The following CLMP variants were observed in gnomAD, a reference collection of about 807,000 sequenced individuals.
The protein encoded by CLMP is CXADR like cell adhesion molecule, also known as CXADR-like membrane protein.
In CLMP, 27 loss-of-function variants were observed where a neutral mutation model predicts 45.2. The ratio of observed to expected loss-of-function variants is 0.60; its 90% CI spans 0.44 to 0.82. CLMP has a LOEUF of 0.82. CLMP is among the 40% of genes least tolerant of loss of function. The probability of loss-of-function intolerance (pLI) is 0.00; values close to 1 mark genes in which losing one functional copy is unlikely to be tolerated. For synonymous variants in CLMP, 167 were observed against 171.4 expected (o/e 0.97, Z 0.20); for missense variants, 403 against 448.4 (o/e 0.90, Z 0.91).
rs371035654 is a variant in CLMP, at chr11:123,151,376, G to A, written c.28+43537C>T. 3.3e-5 allele frequency among the ~76,000 whole-genome samples: 5 copies of A among 152,360 alleles called. No individual in the cohort carries two copies. In the East Asian group the frequency reaches 7.7e-4, roughly 23 times the overall value. ...TCTTAGAGAGATGTCTTTCAGGACA[G>A]ATTTACCTGATGGCTCTAAGCCACT... On this transcript the variant is annotated intron_variant, in intron 1 of 6. Transcript: ENST00000448775.
At chr11:123,097,347 T>TTTCTTTC (rs1179652469) in intron 2 of CLMP, among the ~76,000 whole-genome samples, 1 of 151,066 alleles carries the variant, frequency 6.6e-6, no homozygotes, top group Admixed American at 6.6e-5. Flanking sequence ...TCTTTCTTTC[T>TTTCTTTC]TTTTTTTTGA....
chr11:123,123,907 A>G (rs542627349), intron 1 of CLMP, among the ~76,000 whole-genome samples: 1 of 152,330 alleles, frequency 6.6e-6, no homozygotes, highest in Non-Finnish European at 1.5e-5. Flanking sequence ...GAAATGAGAC[A>G]TGAGAGACAA....
intron 5 of CLMP, 116 bp from the exon 6 acceptor site, chr11:123,074,959 GTT>G (rs113357442): frequency 6.5e-4 from 612 of 940,478 alleles, no homozygotes; most frequent in South Asian, 1.5e-3. Flanking sequence ...TGTTTGTTTT[GTT>G]TTTTTTTTTT....
In CLMP at chr11:123,104,390, T is replaced by C. The variant is rs1435714884; in HGVS notation, c.29-6438A>G. Among the ~76,000 whole-genome samples, 4 of 115,998 alleles carry C rather than the reference T, an allele frequency of 3.4e-5. No homozygotes were observed. In the East Asian group the frequency reaches 9.3e-4, roughly 27 times the overall value. 76.1% of individuals were successfully genotyped at this position (115,998 alleles called of 152,430 possible). On this transcript the variant is annotated intron_variant, in intron 1 of 6. Coordinates refer to ENST00000448775, the MANE Select transcript of CLMP (RefSeq NM_024769.5). ...CCACCGCGCCCGGTCCTGGGTTCTA[T>C]TTTTTTTTTCCCCAGACGGAGTCTC... is the stretch of plus-strand genomic sequence containing the variant.
intron 1 of CLMP, among the ~76,000 whole-genome samples, chr11:123,190,306 C>T (rs902759890): frequency 2.0e-5 from 3 of 152,118 alleles, no homozygotes; most frequent in Admixed American, 1.3e-4. Flanking sequence ...TCATCATGTG[C>T]TACCAATTGC....
chr11:123,105,727 G>A (rs557183677), intron 1 of CLMP, among the ~76,000 whole-genome samples: 2 of 151,984 alleles, frequency 1.3e-5, no homozygotes, highest in East Asian at 3.9e-4. Flanking sequence ...ACTGTGCCAA[G>A]CCGTATTTAC....
At chr11:123,162,305 AC>A (rs1476163839) in intron 1 of CLMP, among the ~76,000 whole-genome samples, 2 of 152,196 alleles carry the variant, frequency 1.3e-5, no homozygotes, top group Non-Finnish European at 2.9e-5. Context: ...CATTTAACAA[AC>A]ATTTCCTGAG....
chr11:123,091,429 C>G (rs1481594935), intron 2 of CLMP, among the ~76,000 whole-genome samples: 1 of 152,116 alleles, frequency 6.6e-6, no homozygotes, highest in East Asian at 1.9e-4. Flanking sequence ...TATCTTATCT[C>G]ATGTACAGCT....
chr11:123,084,360 C>T (rs1865839763), intron 3 of CLMP, 152 bp downstream of exon 3: 1 of 631,102 alleles, frequency 1.6e-6, no homozygotes, highest in African/African-American at 1.8e-5. Flanking sequence ...AGAAGATACA[C>T]ATTTCTTTCC....
chr11:123,193,070 G>A (rs1382774125), intron 1 of CLMP: 1 of 152,226 alleles, frequency 6.6e-6, no homozygotes, highest in Admixed American at 6.5e-5. Context: ...TGAGATCGAA[G>A]AGCCAGCCAG....
chr11:123,093,358 C>T (rs953472282), intron 2 of CLMP, among the ~76,000 whole-genome samples: 8 of 151,788 alleles, frequency 5.3e-5, no homozygotes, highest in Admixed American at 2.0e-4. Context: ...CTATTTTTTG[C>T]GGGGTGGGGA....
intron 1 of CLMP, among the ~76,000 whole-genome samples, chr11:123,149,010 T>C (rs1311005208): frequency 2.6e-5 from 4 of 152,182 alleles, no homozygotes; most frequent in Admixed American, 2.0e-4. Context: ...TAGAATCTGT[T>C]TTCTGTTTAG....
At chr11:123,096,824 T>C (rs1406154892) in intron 2 of CLMP, among the ~76,000 whole-genome samples, 2 of 152,196 alleles carry the variant, frequency 1.3e-5, no homozygotes, top group Non-Finnish European at 2.9e-5. Flanking sequence ...GTTTTTGTTT[T>C]TTTAGAAACA....
At chr11:123,127,811 C>T (rs562219266) in intron 1 of CLMP, among the ~76,000 whole-genome samples, 5 of 152,052 alleles carry the variant, frequency 3.3e-5, no homozygotes, top group South Asian at 2.1e-4. Flanking sequence ...CCAAGGTGGG[C>T]GGATTACCTG....
At chr11:123,100,158 GT>G (rs1023023374) in intron 1 of CLMP, among the ~76,000 whole-genome samples, 4 of 152,130 alleles carry the variant, frequency 2.6e-5, no homozygotes, top group African/African-American at 4.8e-5. Context: ...ATCAACTGAG[GT>G]CAGGAGTTTG....
At chr11:123,125,755 C>T (rs1860884884) in intron 1 of CLMP, among the ~76,000 whole-genome samples, 1 of 151,446 alleles carries the variant, frequency 6.6e-6, no homozygotes, top group African/African-American at 2.4e-5. Flanking sequence ...AGGCATGTGC[C>T]ACCACGCCTG....
intron 1 of CLMP, among the ~76,000 whole-genome samples, chr11:123,190,840 A>G (rs75427041): frequency 0.029 from 4,343 of 152,316 alleles, 69 homozygotes; most frequent in African/African-American, 0.045. Flanking sequence ...ATGAGCTGAA[A>G]AGGAAGGAGA....
intron 1 of CLMP, among the ~76,000 whole-genome samples, chr11:123,152,696 T>G (rs1244515745): frequency 1.3e-5 from 2 of 151,838 alleles, no homozygotes; most frequent in African/African-American, 4.9e-5. Context: ...ACCCAGTCTG[T>G]GGTACTTTGT....
chr11:123,176,441 G>T (rs949959854), intron 1 of CLMP, among the ~76,000 whole-genome samples: 1 of 152,236 alleles, frequency 6.6e-6, no homozygotes, highest in Non-Finnish European at 1.5e-5. Context: ...TTTTGTTCAA[G>T]GAATGAGTAT....
Sources: allele counts gnomAD v4.1 joint callset (sites outside exome capture counted in the v4.1 genomes callset), GRCh38; gene constraint gnomAD v4.1.1; transcripts MANE v1.5; gene names NCBI Gene and HGNC (gene_info 2026-07-23, HGNC 2026-07-21).